The following IMMP2L variants were observed in gnomAD, a reference collection of about 807,000 sequenced individuals.
The protein encoded by IMMP2L is mitochondrial inner membrane protease subunit 2.
Under a neutral mutation model 19.3 loss-of-function variants are expected in IMMP2L, and 18 were observed. The ratio of observed to expected loss-of-function variants is 0.93; its 90% CI spans 0.64 to 1.38. The LOEUF (loss-of-function observed/expected upper bound fraction) is 1.38. IMMP2L is among the 40% of genes most tolerant of loss of function. The pLI, the probability that IMMP2L is intolerant of heterozygous loss-of-function variation, is 0.00. For missense variants in IMMP2L, 233 were observed against 218.2 expected (o/e 1.07, Z -0.43); for synonymous variants, 76 against 73.0 (o/e 1.04, Z -0.21).
intron 5 of IMMP2L, among the ~76,000 whole-genome samples, chr7:110,818,171 C>G (rs533467148): frequency 1.3e-5 from 2 of 152,180 alleles, no homozygotes; most frequent in Admixed American, 6.5e-5. Context: ...TCAGAGTGAA[C>G]AGGCAACCTA....
At chr7:111,296,296 AAAAC>A (rs1378814647) in intron 3 of IMMP2L, among the ~76,000 whole-genome samples, 1 of 151,950 alleles carries the variant, frequency 6.6e-6, no homozygotes, top group African/African-American at 2.4e-5. Context: ...CTGAAAAGCA[AAAAC>A]TGAAACCACA....
At chr7:110,808,063 T>A (rs1223035658) in intron 5 of IMMP2L, among the ~76,000 whole-genome samples, 1 of 152,068 alleles carries the variant, frequency 6.6e-6, no homozygotes, top group African/African-American at 2.4e-5. Flanking sequence ...GGAAAGTACA[T>A]GGGAAAATAT....
chr7:110,822,162 T>G (rs768593756), intron 5 of IMMP2L, among the ~76,000 whole-genome samples: 2 of 152,140 alleles, frequency 1.3e-5, no homozygotes, highest in Non-Finnish European at 1.5e-5. Flanking sequence ...TTCTGATCAA[T>G]GACATCAACA....
chr7:110,766,426 A>G (rs1174176511), intron 5 of IMMP2L, among the ~76,000 whole-genome samples: 1 of 151,954 alleles, frequency 6.6e-6, no homozygotes, highest in Non-Finnish European at 1.5e-5. Flanking sequence ...TCCCGTCTCT[A>G]CTAAAAAATG....
intron 3 of IMMP2L, among the ~76,000 whole-genome samples, chr7:111,147,095 T>C (rs1803558211): frequency 6.6e-6 from 1 of 152,156 alleles, no homozygotes; most frequent in Admixed American, 6.6e-5. Context: ...TAGATGCTAA[T>C]CTTGTTTTAG....
chr7:111,521,603 GACTT>G (rs1394508189), intron 1 of IMMP2L, among the ~76,000 whole-genome samples, 154 bp from the exon 2 acceptor site: 1 of 152,028 alleles, frequency 6.6e-6, no homozygotes, highest in Non-Finnish European at 1.5e-5. Context: ...GAATAAATCT[GACTT>G]ACTTAAAGTC....
At chr7:111,432,921 C>T (rs1385337752) in intron 3 of IMMP2L, among the ~76,000 whole-genome samples, 1 of 146,274 alleles carries the variant, frequency 6.8e-6, no homozygotes, top group Non-Finnish European at 1.5e-5. Flanking sequence ...AGCCAAGAAC[C>T]AAATCAAGGA....
Position 111,114,705 on chromosome 7 carries a change from C to T in IMMP2L, c.240-151140G>A, listed in dbSNP as rs149040796. Among the ~76,000 whole-genome samples, 1,335 of 148,458 alleles carry T rather than the reference C, an allele frequency of 9.0e-3. 19 individuals are homozygous for T. Among genetic ancestry groups the T allele is most frequent in the African/African-American group, 0.031 (1,234 of 39,958 alleles). On this transcript the variant is annotated intron_variant, in intron 3 of 5. Coordinates refer to ENST00000405709, the MANE Select transcript of IMMP2L (RefSeq NM_032549.4). The stretch of plus-strand genomic sequence containing the variant: ...GAGTGAGCCGAGATCGCACCACTGC[C>T]CTCTAGCCTGGGCAACAGGCGAGAC...
intron 3 of IMMP2L, among the ~76,000 whole-genome samples, chr7:111,097,726 C>T (rs1219050434): frequency 1.3e-5 from 2 of 151,736 alleles, no homozygotes; most frequent in African/African-American, 2.4e-5. Flanking sequence ...AAATTTAATT[C>T]TATTTTTATC....
intron 4 of IMMP2L, chr7:110,963,049 C>A (rs532214101): frequency 3.3e-6 from 5 of 1,526,376 alleles, no homozygotes; most frequent in Non-Finnish European, 4.4e-6. Flanking sequence ...GTCACTGATT[C>A]GGAAGTTTCT....
intron 4 of IMMP2L, among the ~76,000 whole-genome samples, chr7:110,949,275 T>C (rs1817555979): frequency 6.6e-6 from 1 of 152,166 alleles, no homozygotes. Context: ...AAGACATATA[T>C]CTTCATGGTC....
At chr7:111,241,404 C>A (rs1008398879) in intron 3 of IMMP2L, among the ~76,000 whole-genome samples, 3 of 151,786 alleles carry the variant, frequency 2.0e-5, no homozygotes, top group African/African-American at 7.3e-5. Context: ...ACAAGAAATA[C>A]GCAAAGATGA....
At chr7:111,382,231 TAA>T (rs941592178) in intron 3 of IMMP2L, among the ~76,000 whole-genome samples, 1 of 151,792 alleles carries the variant, frequency 6.6e-6, no homozygotes, top group Non-Finnish European at 1.5e-5. Flanking sequence ...GAAAAATTCA[TAA>T]AGAGTAGAAT....
chr7:111,421,374 A>C (rs1472976806), intron 3 of IMMP2L, among the ~76,000 whole-genome samples: 2 of 142,378 alleles, frequency 1.4e-5, no homozygotes, highest in Non-Finnish European at 1.5e-5. Context: ...GGTTCACGCC[A>C]TTCTCCTGCC....
chr7:110,831,164 G>C (rs1016934948), intron 5 of IMMP2L, among the ~76,000 whole-genome samples: 3 of 152,020 alleles, frequency 2.0e-5, no homozygotes, highest in Non-Finnish European at 4.4e-5. Flanking sequence ...TGCATTCCTC[G>C]ACCCTTAAAG....
intron 3 of IMMP2L, among the ~76,000 whole-genome samples, chr7:111,140,151 CAG>C (rs1182213841): frequency 6.6e-6 from 1 of 152,058 alleles, no homozygotes; most frequent in Non-Finnish European, 1.5e-5. Context: ...AGAGAAAAGA[CAG>C]AGTTGGGGCA....
At chr7:110,897,170 A>C (rs1282494924) in intron 4 of IMMP2L, among the ~76,000 whole-genome samples, 1 of 152,166 alleles carries the variant, frequency 6.6e-6, no homozygotes, top group Non-Finnish European at 1.5e-5. Context: ...TAACATACGA[A>C]AATACCTCAG....
At chr7:111,004,694 G>A (rs1161639084) in intron 3 of IMMP2L, among the ~76,000 whole-genome samples, 6 of 152,126 alleles carry the variant, frequency 3.9e-5, no homozygotes. Context: ...CCCCTTCAAG[G>A]AAGGCAAAGC....
In IMMP2L at chr7:111,160,861, G is replaced by A. The variant is rs138191237; in HGVS notation, c.240-197296C>T. On this transcript the variant is annotated intron_variant, in intron 3 of 5. Coordinates refer to ENST00000405709, the MANE Select transcript of IMMP2L (RefSeq NM_032549.4). ...CAAAGAATTCAGATAAACTTCTGAC[G>A]AGTTTGAAAAATTAATAAGAGAGCC... Among the ~76,000 whole-genome samples, 5 of 151,090 alleles carry A rather than the reference G, an allele frequency of 3.3e-5. No individual in the cohort carries two copies. In the East Asian group the frequency reaches 5.8e-4, roughly 18 times the overall value.
Sources: gnomAD v4.1 joint callset for allele counts (sites outside exome capture counted in the v4.1 genomes callset) on GRCh38, gnomAD v4.1.1 for gene constraint, MANE v1.5 for transcripts, NCBI Gene and HGNC (gene_info 2026-07-23, HGNC 2026-07-21) for gene names.